GALNT3: variants seen among roughly 807,000 people sequenced by gnomAD.
GALNT3 encodes the protein GalNAc transferase 3.
Under a neutral mutation model 69.8 loss-of-function variants are expected in GALNT3, and 51 were observed. The ratio of observed to expected loss-of-function variants is 0.73; its 90% CI spans 0.58 to 0.92. The LOEUF is 0.92. Among genes scored for constraint, GALNT3 ranks in the 40% least tolerant of loss-of-function variants. The pLI, the probability that GALNT3 is intolerant of heterozygous loss-of-function variation, is 0.00. For synonymous variants in GALNT3, 265 were observed against 248.5 expected (o/e 1.07, Z -0.63); for missense variants, 711 against 760.0 (o/e 0.94, Z 0.76).
At chr2:165,761,662 A>G in intron 4 of GALNT3, 1 of 694,822 alleles carries the variant, frequency 1.4e-6, no homozygotes, top group Non-Finnish European at 2.7e-6. Context: ...ACAGCTAGTA[A>G]CTGGAGAACA....
Position 165,748,813 on chromosome 2 carries a change from G to A in GALNT3, c.1870C>T (p.Leu624Phe), listed in dbSNP as rs201456142. Residue 624 changes from leucine to phenylalanine, a missense_variant, in exon 11 of 11, where the codon CTC becomes TTC. Leu to Phe is a conservative substitution (Grantham distance 22). Transcript: ENST00000392701. ...SLVSCNPSDP[L>F]QKWILSQND ...TTTTGGCTAAGTATCCATTTTTGGA[G>A]TGGATCTGATGGGTTGCATGACACT... The A allele has an allele frequency of 1.2e-4, 198 of 1,611,626 alleles. 2 individuals carry two copies. In the Admixed American group the frequency reaches 3.2e-3, roughly 26 times the overall value.
Position 165,761,952 on chromosome 2 carries a change from C to T in GALNT3, c.791G>A (p.Gly264Glu). The T allele has an allele frequency of 6.2e-7, 1 of 1,613,974 alleles. No individual in the cohort carries two copies. Among genetic ancestry groups the T allele is most frequent in the Non-Finnish European group, 8.5e-7 (1 of 1,179,922 alleles). ...RKGLITARLL[G>E]ATVATAETLT... ...CGTTTCAGCTGTTGCGACTGTTGCT[C>T]CTAGCAACCGAGCAGTGATCAGACC... The change falls in exon 4 of 11, where the codon GGA becomes GAA. Residue 264 changes from glycine (G) to glutamate (E), a missense_variant. Transcript: ENST00000392701.
intron 2 of GALNT3, among the ~76,000 whole-genome samples, chr2:165,766,892 G>T (rs1688653114): frequency 1.3e-5 from 2 of 152,076 alleles, no homozygotes; most frequent in South Asian, 4.1e-4. Flanking sequence ...GAGTTGGATT[G>T]GGGTAAAATA....
intron 4 of GALNT3, 122 bp from the exon 5 acceptor site, chr2:165,759,692 T>G: frequency 1.4e-6 from 1 of 716,832 alleles, no homozygotes; most frequent in Non-Finnish European, 2.4e-6. Flanking sequence ...TGAACATGTA[T>G]ATAATGGAGA....
chr2:165,780,290 G>A (rs1683074728), intron 1 of GALNT3, among the ~76,000 whole-genome samples: 2 of 152,076 alleles, frequency 1.3e-5, no homozygotes, highest in Admixed American at 1.3e-4. Context: ...CACTCAGAGG[G>A]GATACAAATT....
chr2:165,759,709 T>C, intron 4 of GALNT3, 139 bp from the exon 5 acceptor site: 1 of 681,872 alleles, frequency 1.5e-6, no homozygotes, highest in Middle Eastern at 4.0e-4. Flanking sequence ...GAGATTTCTT[T>C]CTTCCTCAGA....
intron 1 of GALNT3, among the ~76,000 whole-genome samples, chr2:165,785,519 G>A (rs1574018016): frequency 6.6e-6 from 1 of 152,094 alleles, no homozygotes; most frequent in Admixed American, 6.6e-5. Flanking sequence ...ACAAACAACT[G>A]CAACTACTAA....
At chr2:165,766,464 T>C (rs889561640) in intron 2 of GALNT3, among the ~76,000 whole-genome samples, 53 of 152,304 alleles carry the variant, frequency 3.5e-4, no homozygotes, top group Non-Finnish European at 3.4e-4. Context: ...AGAGTCTGCA[T>C]AGTCTCCAGC....
intron 1 of GALNT3, among the ~76,000 whole-genome samples, chr2:165,779,676 G>A (rs2105224184): frequency 6.6e-6 from 1 of 152,036 alleles, no homozygotes; most frequent in South Asian, 2.1e-4. Flanking sequence ...GAAGAAAATT[G>A]TTAACATATA....
chr2:165,750,589 A>G (rs1198054912), intron 9 of GALNT3, among the ~76,000 whole-genome samples: 3 of 152,128 alleles, frequency 2.0e-5, no homozygotes, highest in Non-Finnish European at 4.4e-5. Flanking sequence ...TGAAACACCT[A>G]CAGCTACTTC....
rs1347538775 is a variant in GALNT3 at position 165,758,763 on chromosome 2, A to G, written c.1175T>C (p.Ile392Thr). The change falls in exon 6 of 11, where the codon ATA (isoleucine) becomes ACA (threonine). Residue 392 changes from isoleucine to threonine, a missense_variant. Transcript: ENST00000392701. ...TAAACTTACTCTGAAAGACATTTCT[A>G]TATTTTCACCTCCCCAGATTTCCAT... ...EEMEIWGGEN[I>T]EMSFRVWQCG... 1.9e-6 allele frequency: 3 copies of G among 1,569,402 alleles called. No individual in the cohort carries two copies. The Admixed American group carries it at 5.0e-5, about 26-fold the overall frequency.
intron 3 of GALNT3, among the ~76,000 whole-genome samples, chr2:165,763,447 G>C (rs1467398534): frequency 6.6e-6 from 1 of 152,096 alleles, no homozygotes; most frequent in Non-Finnish European, 1.5e-5. Context: ...TCTAAACACT[G>C]TTGTCTCAGA....
At position 165,781,993 on chromosome 2, in the gene GALNT3, G is replaced by C. The variant is rs568883343; in HGVS notation, c.-108-11185C>G. ...GTGGTTTGATAAAGATATTACATCT[G>C]GGTCAGCAACTACATTTGGAGTCAC... is the stretch of plus-strand genomic sequence containing the variant. On this transcript the variant is annotated intron_variant, in intron 1 of 10. Transcript: ENST00000392701. Among the ~76,000 whole-genome samples, 33 of 152,252 alleles carry C rather than the reference G, an allele frequency of 2.2e-4. No homozygotes were observed. In the South Asian group the frequency reaches 6.6e-3, roughly 31 times the overall value.
intron 7 of GALNT3, among the ~76,000 whole-genome samples, chr2:165,755,732 G>GA (rs1474338852): frequency 6.6e-6 from 1 of 152,106 alleles, no homozygotes; most frequent in Non-Finnish European, 1.5e-5. Context: ...AAATATTAGA[G>GA]AAAAAGTACA....
intron 1 of GALNT3, among the ~76,000 whole-genome samples, chr2:165,790,830 T>C (rs1222895362): frequency 6.6e-6 from 1 of 152,130 alleles, no homozygotes; most frequent in Non-Finnish European, 1.5e-5. Flanking sequence ...ACTTGTTTCA[T>C]AGTAAAAAAG....
chr2:165,753,863 T>C (rs1688396616), intron 9 of GALNT3, among the ~76,000 whole-genome samples: 1 of 152,196 alleles, frequency 6.6e-6, no homozygotes, highest in South Asian at 2.1e-4. Context: ...GAAATAATAT[T>C]GTGGCCCACA....
chr2:165,764,893 T>C lies in GALNT3; in HGVS notation c.679A>G (p.Ser227Gly). ...LKEIILVDDA[S>G]VDEYLHDKLD... ...GCATGTGCTTTCTTACCATCTACACTAGCATCATCCACCAAAATGATTTCC... is the reference window on the plus strand; with the variant it reads ...GCATGTGCTTTCTTACCATCTACACCAGCATCATCCACCAAAATGATTTCC... Residue 227 changes from serine (S) to glycine (G), a missense_variant, in exon 3 of 11, where the codon AGT becomes GGT. Ser to Gly is a moderately conservative substitution (Grantham distance 56, BLOSUM62 0). Coordinates refer to ENST00000392701, the MANE Select transcript of GALNT3 (RefSeq NM_004482.4). The C allele has an allele frequency of 6.2e-7, 1 of 1,614,176 alleles. No homozygotes were observed. The highest frequency in any genetic ancestry group is 8.5e-7 in the Non-Finnish European group (1 of 1,180,002).
intron 1 of GALNT3, among the ~76,000 whole-genome samples, chr2:165,774,240 C>T (rs903844142): frequency 6.6e-6 from 1 of 152,150 alleles, no homozygotes; most frequent in Admixed American, 6.5e-5. Context: ...AATCCCCTTC[C>T]CCAGGGCTAT....
chr2:165,783,081 G>A (rs1363825358), intron 1 of GALNT3, among the ~76,000 whole-genome samples: 1 of 152,106 alleles, frequency 6.6e-6, no homozygotes, highest in Non-Finnish European at 1.5e-5. Flanking sequence ...TTTGTATTTG[G>A]TGTATAAGGG....
Sources: gnomAD v4.1 joint callset for allele counts (sites outside exome capture counted in the v4.1 genomes callset) on GRCh38, gnomAD v4.1.1 for gene constraint, MANE v1.5 for transcripts, NCBI Gene and HGNC (gene_info 2026-07-23, HGNC 2026-07-21) for gene names.